The following SLC39A12 variants were observed in gnomAD, a reference collection of about 807,000 sequenced individuals.
The protein encoded by SLC39A12 is solute carrier family 39 member 12.
In SLC39A12, 63 loss-of-function variants were observed where a neutral mutation model predicts 71.1. The observed-to-expected ratio is 0.89, with a 90% CI of 0.72 to 1.09. The LOEUF (loss-of-function observed/expected upper bound fraction) is 1.09. SLC39A12 is among the 50% of genes least tolerant of loss of function. The pLI is 0.00. For missense variants in SLC39A12, 892 were observed against 812.6 expected (o/e 1.10, Z -1.19); for synonymous variants, 351 against 301.3 (o/e 1.16, Z -1.71).
chr10:17,970,873 A>T (rs1243298597), intron 4 of SLC39A12, among the ~76,000 whole-genome samples: 1 of 152,064 alleles, frequency 6.6e-6, no homozygotes, highest in East Asian at 1.9e-4. Context: ...CATCCTTGTC[A>T]TGTTCCAGAT....
At chr10:17,977,777 C>A in intron 4 of SLC39A12, 125 bp from the exon 5 acceptor site, 2 of 725,090 alleles carry the variant, frequency 2.8e-6, no homozygotes, top group Non-Finnish European at 4.1e-6. Flanking sequence ...ATTCTGTCAT[C>A]TCTAGGGCTT....
At chr10:18,036,778 A>ATTTTTTT (rs1837049343) in intron 12 of SLC39A12, among the ~76,000 whole-genome samples, 1 of 7,124 alleles carries the variant, frequency 1.4e-4, no homozygotes, top group African/African-American at 6.2e-4. Context: ...ATATATATAT[A>ATTTTTTT]TATATATATA....
At chr10:18,038,863 G>A (rs1837139522) in intron 12 of SLC39A12, among the ~76,000 whole-genome samples, 1 of 152,082 alleles carries the variant, frequency 6.6e-6, no homozygotes, top group Admixed American at 6.5e-5. Context: ...GAAGTGTGAG[G>A]CAAAGATGGA....
chr10:18,020,212 A>C (rs1293451052), intron 12 of SLC39A12, among the ~76,000 whole-genome samples: 2 of 152,028 alleles, frequency 1.3e-5, no homozygotes, highest in Non-Finnish European at 2.9e-5. Context: ...AAGTGAGAAC[A>C]TGCGGTATTT....
At chr10:18,036,979 G>A (rs372743256) in intron 12 of SLC39A12, among the ~76,000 whole-genome samples, 60 of 151,226 alleles carry the variant, frequency 4.0e-4, no homozygotes, top group South Asian at 1.9e-3. Flanking sequence ...TAGAGTCTGC[G>A]TTTCACCATA....
At chr10:17,991,690 G>A (rs977853990) in intron 8 of SLC39A12, among the ~76,000 whole-genome samples, 2 of 152,066 alleles carry the variant, frequency 1.3e-5, no homozygotes, top group Admixed American at 1.3e-4. Flanking sequence ...TGTCTTAAAG[G>A]CATTTAAAAT....
At position 17,978,082 on chromosome 10, in the gene SLC39A12, C is replaced by A; in HGVS notation, c.924+8C>A. ...CCAGTTTCCTGGGATCAGGTATTGC[C>A]ATTGTTTCTCTTATTCAAGCATTTG... On this transcript the variant is annotated splice_region_variant and intron_variant, in intron 5 of 12. Coordinates refer to ENST00000377369, the MANE Select transcript of SLC39A12 (RefSeq NM_001145195.2). The A allele has an allele frequency of 1.9e-6, 3 of 1,543,836 alleles. No homozygotes were observed. Among genetic ancestry groups the A allele is most frequent in the South Asian group, 1.3e-5 (1 of 76,828 alleles).
At position 18,032,570 on chromosome 10, in the gene SLC39A12, A is replaced by G. The variant is rs1010007707; in HGVS notation, c.1948-10135A>G. Among the ~76,000 whole-genome samples the G allele has an allele frequency of 2.4e-4, 36 of 147,134 alleles. No homozygotes were observed. In the East Asian group the frequency reaches 7.2e-3, roughly 30 times the overall value. ...TTGGGCTGAGACAATGGGGTTTTCT[A>G]GATATACAATCATGTCATCTGCAAA... On this transcript the variant is annotated intron_variant, in intron 12 of 12. Coordinates refer to ENST00000377369, the MANE Select transcript of SLC39A12 (RefSeq NM_001145195.2).
At chr10:17,954,035 G>C (rs1834476873) in intron 2 of SLC39A12, among the ~76,000 whole-genome samples, 1 of 152,140 alleles carries the variant, frequency 6.6e-6, no homozygotes, top group African/African-American at 2.4e-5. Context: ...AGGAATCTGA[G>C]CTGGGGAGAC....
At chr10:17,973,456 A>G (rs1237387769) in intron 4 of SLC39A12, among the ~76,000 whole-genome samples, 1 of 152,172 alleles carries the variant, frequency 6.6e-6, no homozygotes, top group Non-Finnish European at 1.5e-5. Context: ...TTGCTTGTCT[A>G]GGAAAATCTT....
chr10:17,998,746 A>G lies in SLC39A12; in HGVS notation c.1601-1921A>G, dbSNP rs149381016. Among the ~76,000 whole-genome samples the G allele has an allele frequency of 1.3e-3, 194 of 152,292 alleles. 1 individual carries two copies. The East Asian group carries it at 0.024, about 19-fold the overall frequency. The stretch of plus-strand genomic sequence containing the variant: ...CACAGTAAATGGAGCTATCTCCTAG[A>G]CGGTAATTTGGGTTATATCTGGTAT... On this transcript the variant is annotated intron_variant, in intron 10 of 12. Coordinates refer to ENST00000377369, the MANE Select transcript of SLC39A12 (RefSeq NM_001145195.2).
chr10:18,036,615 C>G (rs915706001), intron 12 of SLC39A12, among the ~76,000 whole-genome samples: 2 of 151,554 alleles, frequency 1.3e-5, no homozygotes, highest in African/African-American at 4.8e-5. Flanking sequence ...TCTTCTGCGT[C>G]GCTCACGCTG....
At chr10:17,971,782 A>G (rs1396024436) in intron 4 of SLC39A12, among the ~76,000 whole-genome samples, 1 of 152,042 alleles carries the variant, frequency 6.6e-6, no homozygotes, top group Admixed American at 6.6e-5. Flanking sequence ...CACAAAACCA[A>G]CTTTTTGTTT....
chr10:17,966,686 C>T (rs1285149309), intron 4 of SLC39A12, among the ~76,000 whole-genome samples: 1 of 151,908 alleles, frequency 6.6e-6, no homozygotes, highest in African/African-American at 2.4e-5. Context: ...ATAAAAAATT[C>T]AGGCTGGGTG....
In SLC39A12 at chr10:17,959,887, A is replaced by G. The variant is rs371543295; in HGVS notation, c.262-1694A>G. On this transcript the variant is annotated intron_variant, in intron 2 of 12. Transcript: ENST00000377369. ...GGGGAGGAAAGACTTTTCCTCTAAC[A>G]TCTTAAATTCTGTAGCTGGGGCTTG... 2.9e-4 allele frequency among the ~76,000 whole-genome samples: 44 copies of G among 152,326 alleles called. No individual in the cohort carries two copies. The East Asian group carries it at 3.3e-3, about 11-fold the overall frequency.
chr10:18,042,916 A>G lies in SLC39A12; in HGVS notation c.*83A>G, dbSNP rs1837300006. 2 of 1,220,452 alleles carry G rather than the reference A, an allele frequency of 1.6e-6. No individual in the cohort carries two copies. Among genetic ancestry groups the G allele is most frequent in the Non-Finnish European group, 2.2e-6 (2 of 918,970 alleles). 75.6% of individuals were successfully genotyped at this position (1,220,452 alleles called of 1,614,324 possible). A position where few individuals can be genotyped will look rare whatever the true frequency, so the allele number is the denominator to read the frequency against. On this transcript the variant is annotated 3_prime_UTR_variant, in exon 13 of 13. Transcript: ENST00000377369. ...CATTGCACTCTATAATGATTTTTAA[A>G]TTAAGAATTTTTTATCTTAGGCAAA...
intron 2 of SLC39A12, among the ~76,000 whole-genome samples, chr10:17,960,168 AT>A (rs370944034): frequency 4.0e-4 from 61 of 152,052 alleles, no homozygotes; most frequent in Non-Finnish European, 8.1e-4. Flanking sequence ...GAAACCAAAA[AT>A]TTTTTTTAAC....
At chr10:18,021,241 G>T (rs1477974635) in intron 12 of SLC39A12, among the ~76,000 whole-genome samples, 1 of 151,784 alleles carries the variant, frequency 6.6e-6, no homozygotes. Context: ...TTTTCTGCTT[G>T]TTATTGTCTG....
At chr10:17,974,061 T>C (rs1439122923) in intron 4 of SLC39A12, among the ~76,000 whole-genome samples, 1 of 151,440 alleles carries the variant, frequency 6.6e-6, no homozygotes, top group African/African-American at 2.4e-5. Flanking sequence ...TTTAAATTAT[T>C]TTTAAATTAT....
Sources: gnomAD v4.1 joint callset for allele counts (sites outside exome capture counted in the v4.1 genomes callset) on GRCh38, gnomAD v4.1.1 for gene constraint, MANE v1.5 for transcripts, NCBI Gene and HGNC (gene_info 2026-07-23, HGNC 2026-07-21) for gene names.